RELA: variants seen among roughly 807,000 people sequenced by gnomAD.
The protein encoded by RELA is transcription factor p65.
RELA carries 14 observed loss-of-function variants against 56.7 expected under a neutral mutation model. The ratio of observed to expected loss-of-function variants is 0.25; its 90% CI spans 0.16 to 0.39. The LOEUF (loss-of-function observed/expected upper bound fraction) is 0.39, where lower values mean the gene tolerates loss of function less well. Among genes scored for constraint, RELA ranks in the 10% least tolerant of loss-of-function variants. The pLI is 1.00. For synonymous variants in RELA, 315 were observed against 289.7 expected (o/e 1.09, Z -0.89); for missense variants, 559 against 736.4 (o/e 0.76, Z 2.79).
chr11:65,655,347 G>C (rs900621832), intron 10 of RELA: 28 of 572,606 alleles, frequency 4.9e-5, no homozygotes, highest in African/African-American at 4.7e-4. Context: ...GCAGCGGCCT[G>C]AAGTGCAGAG....
intron 8 of RELA, among the ~76,000 whole-genome samples, chr11:65,656,833 G>T (rs956629151): frequency 2.0e-5 from 3 of 152,164 alleles, no homozygotes; most frequent in Non-Finnish European, 2.9e-5. Context: ...GACCACCCTG[G>T]CCAACATGGT....
At chr11:65,662,660 C>T (rs1424654068) in intron 1 of RELA, 166 bp downstream of exon 1, 8 of 446,812 alleles carry the variant, frequency 1.8e-5, no homozygotes, top group Non-Finnish European at 2.8e-5. Flanking sequence ...GAAACTGAGT[C>T]AGACCCCTCC....
In RELA at chr11:65,662,174, C is replaced by T. The variant is rs2135573626; in HGVS notation, c.34+5G>A. The T allele has an allele frequency of 1.7e-5, 27 of 1,590,544 alleles. No homozygotes were observed. Among genetic ancestry groups the T allele is most frequent in the Non-Finnish European group, 2.2e-5 (26 of 1,172,484 alleles). ...ACCTCCCCGACCGCCGCGGGGGCCACTTACCTGCCGGGAAGATGAGGGGGA... is the reference window on the plus strand; with the variant it reads ...ACCTCCCCGACCGCCGCGGGGGCCATTTACCTGCCGGGAAGATGAGGGGGA... On this transcript the variant is annotated splice_donor_5th_base_variant and intron_variant, in intron 2 of 10. Transcript: ENST00000406246.
intron 1 of RELA, 58 bp from the exon 2 acceptor site, chr11:65,662,263 G>A (rs1384593154): frequency 5.4e-6 from 8 of 1,480,352 alleles, no homozygotes; most frequent in Non-Finnish European, 7.2e-6. Context: ...TCACAAGGAG[G>A]AATCTGCTCT....
intron 5 of RELA, 76 bp downstream of exon 5, chr11:65,660,048 A>T (rs543785461): frequency 7.1e-7 from 1 of 1,415,644 alleles, no homozygotes; most frequent in African/African-American, 1.4e-5. Flanking sequence ...TGTCTTGGCC[A>T]GTGAGGGAGA....
intron 4 of RELA, chr11:65,661,393 A>G (rs537654224): frequency 1.5e-5 from 5 of 323,576 alleles, no homozygotes; most frequent in Admixed American, 1.4e-4. Flanking sequence ...TGCTGGTTCA[A>G]TGGTTTTCTT....
rs750924120 is a variant in RELA at position 65,660,259 on chromosome 11, C to T, written c.336-44G>A. ...CTGTCCCACTGTCTCTCACAGAGCC[C>T]AGACCTTCCTGCCTTGCCCAGCCTG... On this transcript the variant is annotated intron_variant, in intron 4 of 10. Transcript: ENST00000406246. 5 of 1,587,084 alleles carry T rather than the reference C, an allele frequency of 3.2e-6. No individual in the cohort carries two copies. In the South Asian group the frequency reaches 4.4e-5, roughly 14 times the overall value.
rs756081407 is a variant in RELA, at chr11:65,661,803, G to T, written c.219C>A (p.Arg73=). ...INGYTGPGTV[R]ISLVTKDPPH... is the part of the protein sequence containing the mutation. ...GAGGGTCCTTGGTGACCAGGGAGAT[G>T]CGCACTGTCCCTGGTCCTGTGTAGC... Residue 73 remains arginine, a synonymous_variant, in exon 4 of 11, where the codon CGC becomes CGA. Transcript: ENST00000406246. 4.3e-6 allele frequency: 7 copies of T among 1,613,734 alleles called. No homozygotes were observed. The East Asian group carries it at 1.3e-4, about 31-fold the overall frequency.
In RELA at chr11:65,654,580, G is replaced by C; in HGVS notation, c.1454C>G (p.Ala485Gly). 2 of 1,613,532 alleles carry C rather than the reference G, an allele frequency of 1.2e-6. No individual in the cohort carries two copies. The highest frequency in any genetic ancestry group is 1.7e-6 in the Non-Finnish European group (2 of 1,179,772). Residue 485 changes from alanine (A) to glycine (G), a missense_variant, in exon 11 of 11, where the codon GCC (alanine) becomes GGC (glycine). Physicochemically the swap from Ala to Gly is moderately conservative, Grantham distance 60 (BLOSUM62 0). Coordinates refer to ENST00000406246, the MANE Select transcript of RELA (RefSeq NM_021975.4). The part of the protein sequence containing the change: ...QQLLNQGIPV[A>G]PHTTEPMLME... ...CAGCATGGGCTCAGTTGTGTGGGGG[G>C]CCACAGGTATGCCCTGGTTCAGCAG...
chr11:65,660,395 T>TCCGTGC (rs1856533966), intron 4 of RELA, 180 bp from the exon 5 acceptor site: 3 of 618,776 alleles, frequency 4.8e-6, no homozygotes, highest in Non-Finnish European at 8.6e-6. Flanking sequence ...GACAAGCACC[T>TCCGTGC]CCGTGCCCCT....
chr11:65,658,755 C>T lies in RELA; in HGVS notation c.627G>A (p.Gly209=). 1.2e-6 allele frequency: 2 copies of T among 1,614,094 alleles called. No homozygotes were observed. The highest frequency in any genetic ancestry group is 1.1e-5 in the South Asian group (1 of 91,070). The change falls in exon 7 of 11, where the codon GGG becomes GGA. Residue 209 remains glycine (G), a synonymous_variant. Transcript: ENST00000406246. The surrounding 1 kb of genome is among the most constrained non-coding windows in gnomAD (Gnocchi z 4.5). The part of the protein sequence containing the change: ...VNRNSGSCLG[G]DEIFLLCDKV... ...TGTCACACAGTAGGAAGATCTCATC[C>T]CCACCGAGGCAGCTGCCAGAGTTTC...
chr11:65,660,228 A>C lies in RELA; in HGVS notation c.336-13T>G. 3.7e-6 allele frequency: 6 copies of C among 1,613,666 alleles called. No individual in the cohort carries two copies. In the South Asian group the frequency reaches 6.6e-5, roughly 18 times the overall value. On this transcript the variant is annotated splice_polypyrimidine_tract_variant and intron_variant, in intron 4 of 10. Coordinates refer to ENST00000406246, the MANE Select transcript of RELA (RefSeq NM_021975.4). ...CAGGTTCTGGAAACTGAGCGCCCCC[A>C]GTCGTCTGTCCCACTGTCTCTCACA...
chr11:65,655,542 C>A lies in RELA; in HGVS notation c.1033+146G>T, dbSNP rs748512132. The A allele has an allele frequency of 2.9e-5, 21 of 729,026 alleles. No individual in the cohort carries two copies. The Admixed American group carries it at 4.8e-4, about 17-fold the overall frequency. The allele number at this position is 729,026 out of a possible 1,614,324, so 45.2% of individuals were successfully genotyped here. A position where few individuals can be genotyped will look rare whatever the true frequency, so the allele number is the denominator to read the frequency against. On this transcript the variant is annotated intron_variant, in intron 10 of 10. Coordinates refer to ENST00000406246, the MANE Select transcript of RELA (RefSeq NM_021975.4). ...CCAGGCTTCAGTGTGCATTAGCATC[C>A]CAGGAAGTCGCTGGTTCCTGCGCCA...
chr11:65,658,856 G>A lies in RELA; in HGVS notation c.560-34C>T. On this transcript the variant is annotated intron_variant, in intron 6 of 10. Coordinates refer to ENST00000406246, the MANE Select transcript of RELA (RefSeq NM_021975.4). This position sits in a 1 kb window ranked among gnomAD's most constrained non-coding sequence, Gnocchi z 4.5. ...GTGAAAACAAGGGAGGATGACCTGA[G>A]CCACGAGAGGTCCCCAGGGTGGCCT... 6.4e-7 allele frequency: 1 copy of A among 1,564,960 alleles called. No individual in the cohort carries two copies. Among genetic ancestry groups the A allele is most frequent in the South Asian group, 1.1e-5 (1 of 90,132 alleles).
chr11:65,661,414 G>A (rs1420501204), intron 4 of RELA: 7 of 367,816 alleles, frequency 1.9e-5, no homozygotes, highest in Admixed American at 4.2e-5. Flanking sequence ...CCTCAAACAA[G>A]AGACGTGACT....
At chr11:65,656,340 A>G (rs560551242) in intron 8 of RELA, among the ~76,000 whole-genome samples, 1 of 151,976 alleles carries the variant, frequency 6.6e-6, no homozygotes, top group Admixed American at 6.5e-5. Flanking sequence ...TTCAGCAGAG[A>G]CTCTTATTCT....
intron 1 of RELA, 107 bp downstream of exon 1, chr11:65,662,719 C>T: frequency 1.1e-6 from 1 of 928,236 alleles, no homozygotes; most frequent in Non-Finnish European, 1.4e-6. Flanking sequence ...CCGCTCCCTG[C>T]GCAGCGCCCG....
Position 65,654,687 on chromosome 11 carries a change from G to A in RELA, c.1347C>T (p.Asp449=), listed in dbSNP as rs780580304. ...TGCTGTTGCCAAGCAAGGCCCCCAG[G>A]TCTTCATCATCAAACTGCAGCTGCA... The part of the protein sequence containing the change: ...ALLQLQFDDE[D]LGALLGNSTD... Residue 449 remains aspartate, a synonymous_variant, in exon 11 of 11, where the codon GAC becomes GAT. Coordinates refer to ENST00000406246, the MANE Select transcript of RELA (RefSeq NM_021975.4). The A allele has an allele frequency of 2.6e-6, 4 of 1,547,626 alleles. No homozygotes were observed. The highest frequency in any genetic ancestry group is 1.4e-5 in the African/African-American group (1 of 72,670).
Position 65,654,422 on chromosome 11 carries a change from C to T in RELA, c.1612G>A (p.Ala538Thr). ...LSGDEDFSSIADMDFSALLSQ... is the reference protein window; with the variant it reads ...LSGDEDFSSITDMDFSALLSQ... Reference sequence around the variant, plus strand: ...AGCAGGGCTGAGAAGTCCATGTCCGCAATGGAGGAGAAGTCTTCATCTCCT... The same window carrying T: ...AGCAGGGCTGAGAAGTCCATGTCCGTAATGGAGGAGAAGTCTTCATCTCCT... Residue 538 changes from alanine to threonine, a missense_variant, in exon 11 of 11, where the codon GCG becomes ACG. By Grantham distance (58) the Ala-to-Thr change is moderately conservative. Coordinates refer to ENST00000406246, the MANE Select transcript of RELA (RefSeq NM_021975.4). 6.2e-7 allele frequency: 1 copy of T among 1,611,676 alleles called. No individual in the cohort carries two copies. Among genetic ancestry groups the T allele is most frequent in the Non-Finnish European group, 8.5e-7 (1 of 1,179,032 alleles).
Sources: gnomAD v4.1 joint callset for allele counts (sites outside exome capture counted in the v4.1 genomes callset) on GRCh38, gnomAD v4.1.1 for gene constraint, Gnocchi (gnomAD v3.1) non-coding constraint, MANE v1.5 for transcripts, NCBI Gene and HGNC (gene_info 2026-07-23, HGNC 2026-07-21) for gene names.